Variants in ITFG1 observed in about 807,000 individuals in gnomAD.
The protein encoded by ITFG1 is integrin alpha FG-GAP repeat containing 1.
A neutral mutation model predicts 81.8 loss-of-function variants in ITFG1; 34 were observed. The observed-to-expected ratio is 0.42, with a 90% CI of 0.32 to 0.55. ITFG1 has a LOEUF of 0.55. Ranked by LOEUF, ITFG1 falls within the 20% of genes least tolerant of loss-of-function variation. The pLI is 0.17. For synonymous variants in ITFG1, 285 were observed against 270.6 expected (o/e 1.05, Z -0.52); for missense variants, 672 against 755.4 (o/e 0.89, Z 1.29).
At chr16:47,409,374 C>CTATATATATATATACATATACATA (rs1555514883) in intron 6 of ITFG1, among the ~76,000 whole-genome samples, 1 of 20,986 alleles carries the variant, frequency 4.8e-5, no homozygotes, top group Non-Finnish European at 7.0e-5. Flanking sequence ...TACACACACA[C>CTATATATATATATACATATACATA]TATATATATA....
Position 47,349,093 on chromosome 16 carries a change from C to A in ITFG1, c.802+16695G>T, listed in dbSNP as rs538393354. ...CATGGAAAGGAACAACCGGTACCAG[C>A]CACTGCAAAAACATGCCAAATTGTA... On this transcript the variant is annotated intron_variant, in intron 8 of 17. Coordinates refer to ENST00000320640, the MANE Select transcript of ITFG1 (RefSeq NM_030790.5). 5.3e-5 allele frequency among the ~76,000 whole-genome samples: 8 copies of A among 152,264 alleles called. No homozygotes were observed. In the East Asian group the frequency reaches 5.8e-4, roughly 11 times the overall value.
intron 5 of ITFG1, among the ~76,000 whole-genome samples, chr16:47,429,756 T>C (rs1159840973): frequency 1.3e-5 from 2 of 152,206 alleles, no homozygotes; most frequent in Non-Finnish European, 1.5e-5. Flanking sequence ...TATTTTTCCA[T>C]TCTTAAATTG....
chr16:47,228,280 C>T (rs1220484422), intron 13 of ITFG1, among the ~76,000 whole-genome samples: 1 of 152,128 alleles, frequency 6.6e-6, no homozygotes, highest in Non-Finnish European at 1.5e-5. Context: ...TGAAGTAATG[C>T]CTGCTATATT....
At chr16:47,180,023 T>G (rs1455445515) in intron 14 of ITFG1, among the ~76,000 whole-genome samples, 1 of 152,210 alleles carries the variant, frequency 6.6e-6, no homozygotes, top group Non-Finnish European at 1.5e-5. Context: ...AAATATGTGG[T>G]AGACAGAAAG....
At position 47,326,187 on chromosome 16, in the gene ITFG1, C is replaced by T. The variant is rs556912335; in HGVS notation, c.803-12364G>A. Among the ~76,000 whole-genome samples, 3 of 152,062 alleles carry T rather than the reference C, an allele frequency of 2.0e-5. No homozygotes were observed. In the East Asian group the frequency reaches 5.8e-4, roughly 29 times the overall value. ...GTTCAACATACGAAAATCAATACAC[C>T]TAATACAGCATATAAACAGAACCAA... On this transcript the variant is annotated intron_variant, in intron 8 of 17. Transcript: ENST00000320640.
intron 6 of ITFG1, among the ~76,000 whole-genome samples, chr16:47,397,917 A>G (rs759350270): frequency 1.5e-4 from 23 of 152,238 alleles, no homozygotes; most frequent in Non-Finnish European, 2.6e-4. Context: ...GAGCAAATCA[A>G]TGTTACAATA....
Position 47,160,613 on chromosome 16 carries a change from C to CT in ITFG1, c.1661+1136dup, listed in dbSNP as rs541866936. Among the ~76,000 whole-genome samples, 645 of 152,118 alleles carry CT rather than the reference C, an allele frequency of 4.2e-3. 5 individuals carry two copies. The highest frequency in any genetic ancestry group is 0.015 in the African/African-American group (616 of 41,514). The stretch of plus-strand genomic sequence containing the variant: ...AAAAAAATCTGAACCAGGACTATAA[C>CT]TGTTTCAATGATGTCATCTTATTCC... On this transcript the variant is annotated intron_variant, in intron 16 of 17. Transcript: ENST00000320640.
chr16:47,284,962 A>G (rs905391051), intron 10 of ITFG1, among the ~76,000 whole-genome samples: 3 of 152,236 alleles, frequency 2.0e-5, no homozygotes, highest in African/African-American at 7.2e-5. Context: ...AGAAACTTAC[A>G]TAGAACAACA....
intron 14 of ITFG1, among the ~76,000 whole-genome samples, chr16:47,200,773 C>A (rs1416160358): frequency 6.6e-6 from 1 of 152,158 alleles, no homozygotes; most frequent in Non-Finnish European, 1.5e-5. Flanking sequence ...CCATAGCAGA[C>A]CTACTCAGCT....
chr16:47,433,944 T>A (rs1358810777), intron 5 of ITFG1, among the ~76,000 whole-genome samples: 1 of 138,978 alleles, frequency 7.2e-6, no homozygotes, highest in Non-Finnish European at 1.5e-5. Flanking sequence ...AGGTTTATAG[T>A]TGAAAGTAAT....
chr16:47,443,348 C>T (rs1373920354), intron 5 of ITFG1, among the ~76,000 whole-genome samples: 7 of 152,122 alleles, frequency 4.6e-5, no homozygotes, highest in African/African-American at 1.7e-4. Context: ...GGCGATTCCT[C>T]AGGGATCTAG....
intron 6 of ITFG1, among the ~76,000 whole-genome samples, chr16:47,386,806 G>T (rs535515309): frequency 7.2e-5 from 11 of 152,328 alleles, no homozygotes; most frequent in Non-Finnish European, 1.3e-4. Flanking sequence ...CAGCTACAAA[G>T]CTGTCCCCTA....
At chr16:47,248,907 A>T (rs955357732) in intron 12 of ITFG1, among the ~76,000 whole-genome samples, 1 of 152,120 alleles carries the variant, frequency 6.6e-6, no homozygotes, top group Non-Finnish European at 1.5e-5. Flanking sequence ...GCCTTCTACT[A>T]TTTGTGTTCT....
intron 8 of ITFG1, among the ~76,000 whole-genome samples, chr16:47,362,965 C>T (rs988792748): frequency 1.3e-5 from 2 of 152,142 alleles, no homozygotes; most frequent in Admixed American, 1.3e-4. Context: ...GGCACGATCA[C>T]TGTTCACTGC....
chr16:47,233,191 A>G (rs2151532415), intron 13 of ITFG1, among the ~76,000 whole-genome samples: 1 of 152,358 alleles, frequency 6.6e-6, no homozygotes, highest in East Asian at 1.9e-4. Context: ...AAAAGCAAAG[A>G]AACAGAAAAT....
At chr16:47,270,162 A>G (rs1966322450) in intron 10 of ITFG1, among the ~76,000 whole-genome samples, 1 of 152,200 alleles carries the variant, frequency 6.6e-6, no homozygotes, top group Non-Finnish European at 1.5e-5. Context: ...ATGATTTCTT[A>G]GTTACGACAC....
At chr16:47,227,611 C>CTT (rs1490686096) in intron 13 of ITFG1, among the ~76,000 whole-genome samples, 2 of 152,018 alleles carry the variant, frequency 1.3e-5, no homozygotes, top group South Asian at 4.2e-4. Context: ...TCTTTAGAGA[C>CTT]TTTTTTAGTA....
At chr16:47,224,480 C>T (rs1309907753) in intron 13 of ITFG1, among the ~76,000 whole-genome samples, 1 of 152,158 alleles carries the variant, frequency 6.6e-6, no homozygotes, top group Non-Finnish European at 1.5e-5. Flanking sequence ...CTGGCCATCA[C>T]AGCTGGCCAT....
chr16:47,216,223 G>A (rs370140785), intron 14 of ITFG1, among the ~76,000 whole-genome samples: 6 of 151,294 alleles, frequency 4.0e-5, no homozygotes, highest in South Asian at 2.1e-4. Context: ...TTTCTGAGAC[G>A]GAGTTTTGTT....
Sources: allele counts gnomAD v4.1 joint callset (sites outside exome capture counted in the v4.1 genomes callset), GRCh38; gene constraint gnomAD v4.1.1; transcripts MANE v1.5; gene names NCBI Gene and HGNC (gene_info 2026-07-23, HGNC 2026-07-21).